Variants in LINGO2 observed in about 807,000 individuals in gnomAD.
LINGO2 encodes leucine-rich repeat and immunoglobulin-like domain-containing nogo receptor-interacting protein 2.
LINGO2 carries 14 observed loss-of-function variants against 30.6 expected under a neutral mutation model. The ratio of observed to expected loss-of-function variants is 0.46; its 90% CI spans 0.30 to 0.72. The LOEUF (loss-of-function observed/expected upper bound fraction) is 0.72. Ranked by LOEUF, LINGO2 falls within the 30% of genes least tolerant of loss-of-function variation. LINGO2 has a pLI of 0.07. For synonymous variants in LINGO2, 317 were observed against 288.5 expected, an observed-to-expected ratio of 1.10 and a Z score of -1.00; for missense variants, 729 against 751.7, an observed-to-expected ratio of 0.97 and a Z score of 0.35.
intron 4 of LINGO2, among the ~76,000 whole-genome samples, chr9:28,286,663 C>A (rs994106238): frequency 6.6e-6 from 1 of 152,148 alleles, no homozygotes; most frequent in Non-Finnish European, 1.5e-5. Context: ...TTTGCAGGGA[C>A]ATGGATGAAG....
chr9:28,357,627 A>G (rs975710366), intron 3 of LINGO2, among the ~76,000 whole-genome samples: 3 of 152,090 alleles, frequency 2.0e-5, no homozygotes, highest in African/African-American at 7.2e-5. Context: ...TTAGATAATG[A>G]TATTTTTACC....
the LINGO2 span, among the ~76,000 whole-genome samples, chr9:29,088,081 G>A: frequency 6.6e-6 from 1 of 152,054 alleles, no homozygotes; most frequent in African/African-American, 2.4e-5. Flanking sequence ...ATGTCAAATG[G>A]TTGCTGTGAG....
chr9:28,569,996 C>T (rs1823596584), intron 1 of LINGO2, among the ~76,000 whole-genome samples: 1 of 151,674 alleles, frequency 6.6e-6, no homozygotes. Context: ...TCAACATTTT[C>T]AAACAATAAA....
intron 4 of LINGO2, among the ~76,000 whole-genome samples, chr9:28,235,822 A>C (rs930647883): frequency 6.6e-6 from 1 of 152,220 alleles, no homozygotes; most frequent in Non-Finnish European, 1.5e-5. Context: ...AAGCACACCT[A>C]CAAGATCTAG....
intron 1 of LINGO2, among the ~76,000 whole-genome samples, chr9:28,491,718 G>C (rs1013954219): frequency 6.6e-6 from 1 of 152,108 alleles, no homozygotes; most frequent in African/African-American, 2.4e-5. Flanking sequence ...TTTGAAGAAG[G>C]ATTTATTTAT....
At chr9:28,245,850 T>A (rs888175912) in intron 4 of LINGO2, among the ~76,000 whole-genome samples, 15 of 152,062 alleles carry the variant, frequency 9.9e-5, no homozygotes, top group Non-Finnish European at 2.9e-5. Context: ...ATCAACATAA[T>A]GAAATGGCCA....
chr9:28,575,426 A>G lies in LINGO2; in HGVS notation c.-365+94774T>C, dbSNP rs1823918655. Among the ~76,000 whole-genome samples the G allele has an allele frequency of 2.6e-5, 4 of 151,676 alleles. No individual in the cohort carries two copies. In the South Asian group the frequency reaches 8.3e-4, roughly 31 times the overall value. On this transcript the variant is annotated intron_variant, in intron 1 of 5. Coordinates refer to ENST00000379992, the Ensembl canonical transcript of LINGO2. The stretch of plus-strand genomic sequence containing the variant: ...AAAAAAACAACAAAAAAAACAAAAA[A>G]CAACACAAAAAAAACCACGTTTTCA...
the LINGO2 span, among the ~76,000 whole-genome samples, chr9:29,050,908 G>C: frequency 2.0e-5 from 3 of 152,178 alleles, no homozygotes; most frequent in Non-Finnish European, 4.4e-5. Flanking sequence ...CAGCCAATTA[G>C]TATAATTAAT....
chr9:28,295,165 T>C (rs954198230), intron 4 of LINGO2, 43 bp downstream of exon 6: 3 of 152,472 alleles, frequency 2.0e-5, no homozygotes, highest in African/African-American at 7.2e-5. Flanking sequence ...CTGAAGCCCT[T>C]AGAGCAAGTA....
At chr9:29,060,478 C>T in the LINGO2 span, among the ~76,000 whole-genome samples, 5 of 151,588 alleles carry the variant, frequency 3.3e-5, no homozygotes, top group African/African-American at 7.3e-5. Flanking sequence ...ATAACAAGAC[C>T]CAGAGATCAA....
At chr9:28,879,175 G>A in the LINGO2 span, among the ~76,000 whole-genome samples, 1 of 152,076 alleles carries the variant, frequency 6.6e-6, no homozygotes, top group Non-Finnish European at 1.5e-5. Flanking sequence ...AAAATCACAA[G>A]CATTCTTATA....
chr9:28,557,477 C>A (rs1822783568), intron 1 of LINGO2, among the ~76,000 whole-genome samples: 3 of 150,552 alleles, frequency 2.0e-5, no homozygotes, highest in Middle Eastern at 3.4e-3. Context: ...GAATGGCGAT[C>A]ATTAAAAAGT....
the LINGO2 span, among the ~76,000 whole-genome samples, chr9:29,118,501 A>C: frequency 6.6e-6 from 1 of 152,172 alleles, no homozygotes; most frequent in Admixed American, 6.5e-5. Flanking sequence ...GTTCATAGTC[A>C]AAACTGCCTT....
chr9:27,940,047 T>C, the LINGO2 span: 1 of 152,208 alleles, frequency 6.6e-6, no homozygotes, highest in Non-Finnish European at 1.5e-5. Flanking sequence ...AGACCCTGAC[T>C]CTGGTGATTC....
At chr9:28,824,151 C>A in the LINGO2 span, among the ~76,000 whole-genome samples, 1 of 152,030 alleles carries the variant, frequency 6.6e-6, no homozygotes, top group African/African-American at 2.4e-5. Context: ...TAATAACTGA[C>A]AAAAGTCATA....
the LINGO2 span, among the ~76,000 whole-genome samples, chr9:29,205,341 T>G: frequency 6.6e-6 from 1 of 152,120 alleles, no homozygotes; most frequent in South Asian, 2.1e-4. Flanking sequence ...GCTTGGCCAG[T>G]TTTTCTTTTT....
rs187298264 is a variant in LINGO2, at chr9:28,038,900, C to G, written c.-86-26495G>C. ...TTTCTGTATTCACTTCCCTCAGACA[C>G]CATAGTTGTTCGCTCTCTAGAAGTT... On this transcript the variant is annotated intron_variant, in intron 4 of 5. Transcript: ENST00000379992. Among the ~76,000 whole-genome samples the G allele has an allele frequency of 3.0e-4, 46 of 152,316 alleles. No individual in the cohort carries two copies. The East Asian group carries it at 7.9e-3, about 26-fold the overall frequency.
chr9:28,474,719 T>C (rs1272347622), intron 2 of LINGO2, among the ~76,000 whole-genome samples: 2 of 152,142 alleles, frequency 1.3e-5, no homozygotes, highest in Admixed American at 6.5e-5. Context: ...AGATGGAAAA[T>C]CTAGATTGAG....
intron 2 of LINGO2, among the ~76,000 whole-genome samples, chr9:28,376,668 G>C (rs750773162): frequency 1.8e-4 from 28 of 152,066 alleles, no homozygotes; most frequent in Non-Finnish European, 4.1e-4. Flanking sequence ...TCCTCAGCTT[G>C]GGACACCTAT....
Sources: allele counts gnomAD v4.1 joint callset (sites outside exome capture counted in the v4.1 genomes callset), GRCh38; gene constraint gnomAD v4.1.1; transcripts MANE v1.5; gene names NCBI Gene and HGNC (gene_info 2026-07-23, HGNC 2026-07-21).